Variants in CSMD1 observed in about 807,000 individuals in gnomAD.
CSMD1 encodes the protein CUB and sushi domain-containing protein 1.
In CSMD1, 213 loss-of-function variants were observed where a neutral mutation model predicts 417.5. That is an observed-to-expected ratio of 0.51 (90% CI 0.46 to 0.57). The LOEUF (loss-of-function observed/expected upper bound fraction) is 0.57. CSMD1 is among the 20% of genes least tolerant of loss of function. The pLI is 0.00. For synonymous variants in CSMD1, 2,862 were observed against 1,736.8 expected (o/e 1.65, Z -16.11); for missense variants, 6,923 against 4,529.7 (o/e 1.53, Z -15.17).
intron 5 of CSMD1, among the ~76,000 whole-genome samples, chr8:3,902,712 G>C (rs2688264): frequency 0.032 from 4,876 of 152,178 alleles, 267 homozygotes; most frequent in African/African-American, 0.11. Context: ...ACTGGTACCA[G>C]TCCATGGCCC....
Position 4,528,000 on chromosome 8 carries a change from G to A in CSMD1, c.303-107935C>T, listed in dbSNP as rs568316613. 1.6e-4 allele frequency among the ~76,000 whole-genome samples: 25 copies of A among 152,278 alleles called. 1 individual carries two copies. In the South Asian group the frequency reaches 5.2e-3, roughly 32 times the overall value. On this transcript the variant is annotated intron_variant, in intron 2 of 69. Coordinates refer to ENST00000635120, the MANE Select transcript of CSMD1 (RefSeq NM_033225.6). The stretch of plus-strand genomic sequence containing the variant: ...ATAGAATCCATGGCTCTCACTCAGA[G>A]CCCTGGGTGTGGGATCATGTCAGTG...
chr8:2,945,451 T>C (rs614539), intron 68 of CSMD1, among the ~76,000 whole-genome samples: 263 of 152,324 alleles, frequency 1.7e-3, no homozygotes, highest in African/African-American at 6.1e-3. Context: ...GTGTTTCTAA[T>C]ACTTCTATAA....
intron 1 of CSMD1, among the ~76,000 whole-genome samples, chr8:4,710,506 A>G (rs1370495892): frequency 6.7e-6 from 1 of 148,618 alleles, no homozygotes; most frequent in African/African-American, 2.4e-5. Flanking sequence ...CTCAAATTAC[A>G]TTGAGTAAGT....
chr8:3,430,029 G>T (rs1206040105), intron 12 of CSMD1, among the ~76,000 whole-genome samples: 1 of 151,872 alleles, frequency 6.6e-6, no homozygotes, highest in African/African-American at 2.4e-5. Flanking sequence ...TATAAAAGAG[G>T]ATAAATCAGA....
In CSMD1 at chr8:3,223,630, T is replaced by C. The variant is rs560557569; in HGVS notation, c.4484+99A>G. 4.9e-4 allele frequency: 604 copies of C among 1,233,974 alleles called. 6 individuals carry two copies. The South Asian group carries it at 5.7e-3, about 12-fold the overall frequency. The allele number at this position is 1,233,974 out of a possible 1,614,324, so 76.4% of individuals were successfully genotyped here. A position where few individuals can be genotyped will look rare whatever the true frequency, so the allele number is the denominator to read the frequency against. On this transcript the variant is annotated intron_variant, in intron 28 of 69. Transcript: ENST00000635120. ...TTAGACACAAAATCTAGCACTTACC[T>C]AGATATAACATTAGAGACTATGAGG...
In CSMD1 at chr8:3,411,771, T is replaced by TAC. The variant is rs1296454456; in HGVS notation, c.1562-2167_1562-2166insGT. ...ACACGTGTATATACGTGTATATACG[T>TAC]GTGTATATACCTGTATATATACACG... is the stretch of plus-strand genomic sequence containing the variant. On this transcript the variant is annotated intron_variant, in intron 12 of 69. Coordinates refer to ENST00000635120, the MANE Select transcript of CSMD1 (RefSeq NM_033225.6). Among the ~76,000 whole-genome samples the TAC allele has an allele frequency of 2.0e-4, 25 of 123,390 alleles. 1 individual carries two copies. Among genetic ancestry groups the TAC allele is most frequent in the Non-Finnish European group, 3.6e-4 (21 of 58,922 alleles). 80.9% of individuals were successfully genotyped at this position (123,390 alleles called of 152,430 possible).
chr8:3,967,649 C>T (rs1442483979), intron 5 of CSMD1, among the ~76,000 whole-genome samples: 1 of 152,110 alleles, frequency 6.6e-6, no homozygotes, highest in Admixed American at 6.5e-5. Flanking sequence ...CCTCCATTCC[C>T]TGCCTACAAT....
At chr8:4,351,836 G>T (rs908217366) in intron 3 of CSMD1, among the ~76,000 whole-genome samples, 2 of 152,148 alleles carry the variant, frequency 1.3e-5, no homozygotes, top group African/African-American at 2.4e-5. Context: ...ACCAGGCCAA[G>T]GAGATGTCCA....
chr8:4,249,969 T>A (rs533695135), intron 3 of CSMD1, among the ~76,000 whole-genome samples: 20 of 151,980 alleles, frequency 1.3e-4, no homozygotes, highest in Non-Finnish European at 2.2e-4. Context: ...TTAATGCCCA[T>A]ATAAAGAGGA....
In CSMD1 at chr8:4,092,090, C is replaced by T. The variant is rs187875561; in HGVS notation, c.416-59991G>A. 1.8e-3 allele frequency among the ~76,000 whole-genome samples: 275 copies of T among 152,132 alleles called. 2 individuals are homozygous for T. Among genetic ancestry groups the T allele is most frequent in the African/African-American group, 6.1e-3 (253 of 41,514 alleles). The stretch of plus-strand genomic sequence containing the variant: ...GCACTACTTAGAAGCTTAAGAGGGA[C>T]GTAATTCTGATTATTCTTAGAGAAA... On this transcript the variant is annotated intron_variant, in intron 3 of 69. Coordinates refer to ENST00000635120, the MANE Select transcript of CSMD1 (RefSeq NM_033225.6).
chr8:3,214,270 G>C (rs187892400), intron 30 of CSMD1, among the ~76,000 whole-genome samples: 2 of 152,046 alleles, frequency 1.3e-5, no homozygotes, highest in Admixed American at 1.3e-4. Context: ...AAAACTGTAC[G>C]AGCGAAGGAA....
chr8:3,253,845 C>A (rs1410458950), intron 26 of CSMD1, among the ~76,000 whole-genome samples: 1 of 152,126 alleles, frequency 6.6e-6, no homozygotes, highest in Non-Finnish European at 1.5e-5. Flanking sequence ...CAGTCTGTGT[C>A]TTTTAGTTGG....
chr8:4,982,571 C>A (rs1046739283), intron 1 of CSMD1, among the ~76,000 whole-genome samples: 2 of 152,150 alleles, frequency 1.3e-5, no homozygotes, highest in African/African-American at 4.8e-5. Flanking sequence ...AACTTAGGTA[C>A]TTCTTTCTTT....
At chr8:3,970,970 C>T (rs181893367) in intron 5 of CSMD1, among the ~76,000 whole-genome samples, 1 of 152,144 alleles carries the variant, frequency 6.6e-6, no homozygotes, top group African/African-American at 2.4e-5. Context: ...GGGCTGGTCT[C>T]GAAGTCCTGA....
At chr8:4,785,482 C>G (rs1011362892) in intron 1 of CSMD1, among the ~76,000 whole-genome samples, 2 of 152,074 alleles carry the variant, frequency 1.3e-5, no homozygotes, top group African/African-American at 4.8e-5. Flanking sequence ...GACCTCAAGA[C>G]CAGCAGAGAC....
At chr8:4,366,296 C>T (rs564460441) in intron 3 of CSMD1, among the ~76,000 whole-genome samples, 1 of 151,342 alleles carries the variant, frequency 6.6e-6, no homozygotes, top group East Asian at 1.9e-4. Flanking sequence ...TCTCACTTTG[C>T]ATATGTACCA....
At chr8:4,333,221 C>G (rs1051039810) in intron 3 of CSMD1, among the ~76,000 whole-genome samples, 3 of 152,096 alleles carry the variant, frequency 2.0e-5, no homozygotes, top group African/African-American at 7.2e-5. Context: ...AAACAGAAGT[C>G]ACACCCTGCC....
intron 25 of CSMD1, 33 bp downstream of exon 25, chr8:3,307,662 C>T: frequency 6.2e-7 from 1 of 1,605,338 alleles, no homozygotes; most frequent in Non-Finnish European, 8.5e-7. Flanking sequence ...TATCTCTTTT[C>T]TCAAATCACT....
At position 4,194,128 on chromosome 8, in the gene CSMD1, G is replaced by C. The variant is rs186626869; in HGVS notation, c.416-162029C>G. Reference sequence around the variant, plus strand: ...AGGCATACGTTCAACAAAGAATGCAGAATGATAAAAATGACCAAGAAAACA... The same window carrying C: ...AGGCATACGTTCAACAAAGAATGCACAATGATAAAAATGACCAAGAAAACA... On this transcript the variant is annotated intron_variant, in intron 3 of 69. Transcript: ENST00000635120. Among the ~76,000 whole-genome samples the C allele has an allele frequency of 1.1e-3, 168 of 152,238 alleles. 1 individual carries two copies. Among genetic ancestry groups the C allele is most frequent in the Admixed American group, 2.0e-3 (30 of 15,298 alleles).
Sources: allele counts gnomAD v4.1 joint callset (sites outside exome capture counted in the v4.1 genomes callset), GRCh38; gene constraint gnomAD v4.1.1; transcripts MANE v1.5; gene names NCBI Gene and HGNC (gene_info 2026-07-23, HGNC 2026-07-21).